Variants in CEP85L observed in about 807,000 individuals in gnomAD.
CEP85L encodes the protein centrosomal protein of 85 kDa-like.
A neutral mutation model predicts 100.3 loss-of-function variants in CEP85L; 60 were observed. That is an observed-to-expected ratio of 0.60 (90% CI 0.49 to 0.74). The LOEUF (loss-of-function observed/expected upper bound fraction) is 0.74. Among genes scored for constraint, CEP85L ranks in the 30% least tolerant of loss-of-function variants. The pLI is 0.00. For synonymous variants in CEP85L, 319 were observed against 322.7 expected, an observed-to-expected ratio of 0.99 and a Z score of 0.12; for missense variants, 973 against 936.2, an observed-to-expected ratio of 1.04 and a Z score of -0.51.
chr6:118,592,157 C>T (rs573440613), intron 2 of CEP85L, among the ~76,000 whole-genome samples: 1 of 152,174 alleles, frequency 6.6e-6, no homozygotes, highest in South Asian at 2.1e-4. Context: ...CTATATTATC[C>T]TACACTATAT....
chr6:118,537,268 C>T (rs1003076786), intron 3 of CEP85L, among the ~76,000 whole-genome samples: 1 of 151,960 alleles, frequency 6.6e-6, no homozygotes, highest in African/African-American at 2.4e-5. Flanking sequence ...AACCTTGTAA[C>T]TATGTGAGTT....
chr6:118,554,215 G>T (rs533500745), intron 3 of CEP85L, among the ~76,000 whole-genome samples: 1 of 152,228 alleles, frequency 6.6e-6, no homozygotes, highest in Admixed American at 6.5e-5. Context: ...TAGAGCCTGG[G>T]AAGTTGAGGT....
intron 1 of CEP85L, among the ~76,000 whole-genome samples, chr6:118,700,190 A>G (rs1777365017): frequency 6.6e-6 from 1 of 152,226 alleles, no homozygotes; most frequent in Non-Finnish European, 1.5e-5. Flanking sequence ...CCCTGGTATA[A>G]AAAAGGTTTT....
chr6:118,511,386 T>C lies in CEP85L; in HGVS notation c.1169A>G (p.Glu390Gly). The C allele has an allele frequency of 6.2e-7, 1 of 1,612,684 alleles. No individual in the cohort carries two copies. Among genetic ancestry groups the C allele is most frequent in the Non-Finnish European group, 8.5e-7 (1 of 1,179,136 alleles). Reference sequence around the variant, plus strand: ...CCGTAATTCATTATCCCTTATCCTCTCATGCAGGTGGGTAATTTGTTGCTT... The same window carrying C: ...CCGTAATTCATTATCCCTTATCCTCCCATGCAGGTGGGTAATTTGTTGCTT... ...RQKQQITHLH[E>G]RIRDNELRAQ... The change falls in exon 5 of 13, where the codon GAG (glutamate) becomes GGG (glycine). Residue 390 changes from glutamate (E) to glycine (G), a missense_variant. This residue lies in a region of CEP85L where 890 missense variants were observed against 844.5 expected (regional missense o/e 1.05). Coordinates refer to ENST00000368491, the MANE Select transcript of CEP85L (RefSeq NM_001042475.3).
In CEP85L at chr6:118,708,842, T is replaced by C. The variant is rs150644337; in HGVS notation, c.-28+1194A>G. 3.9e-4 allele frequency among the ~76,000 whole-genome samples: 59 copies of C among 152,292 alleles called. 1 individual carries two copies. The highest frequency in any genetic ancestry group is 1.4e-3 in the African/African-American group (58 of 41,562). On this transcript the variant is annotated intron_variant, in intron 1 of 13. Coordinates refer to the CEP85L transcript ENST00000368488. ...CTGGTCAAATAGGGGTTCTAAATCC[T>C]GTTAACCTCACTTTAACCCTGTTAT...
chr6:118,688,784 A>C (rs1043174335), intron 1 of CEP85L, among the ~76,000 whole-genome samples: 1 of 152,144 alleles, frequency 6.6e-6, no homozygotes, highest in Non-Finnish European at 1.5e-5. Context: ...GTTCCCTAGG[A>C]GCTCAGGCTC....
At chr6:118,513,921 CAAAA>C (rs1001064584) in intron 4 of CEP85L, among the ~76,000 whole-genome samples, 1 of 149,440 alleles carries the variant, frequency 6.7e-6, no homozygotes, top group Non-Finnish European at 1.5e-5. Context: ...TTGTTTGAGG[CAAAA>C]AAAAATTTAT....
At chr6:118,699,369 C>G (rs1777336732) in intron 1 of CEP85L, among the ~76,000 whole-genome samples, 1 of 151,270 alleles carries the variant, frequency 6.6e-6, no homozygotes, top group South Asian at 2.1e-4. Context: ...GTGGGAGGAT[C>G]ACTTGAGCCC....
Position 118,465,585 on chromosome 6 carries a change from TAG to T in CEP85L, c.2255-19_2255-18del, listed in dbSNP as rs762087155. The T allele has an allele frequency of 6.3e-7, 1 of 1,599,496 alleles. No individual in the cohort carries two copies. The highest frequency in any genetic ancestry group is 1.3e-5 in the African/African-American group (1 of 74,252). ...AGTTCATTGCTGTGTAAATAAAACATAGAGAGAATATCTCACATTTTTTTGAA... is the reference window on the plus strand; with the variant it reads ...AGTTCATTGCTGTGTAAATAAAACATAGAGAATATCTCACATTTTTTTGAA... On this transcript the variant is annotated intron_variant, in intron 12 of 12. Coordinates refer to ENST00000368491, the MANE Select transcript of CEP85L (RefSeq NM_001042475.3).
chr6:118,589,473 A>G (rs530318671), intron 2 of CEP85L: 2 of 261,254 alleles, frequency 7.7e-6, no homozygotes, highest in Admixed American at 4.0e-5. Context: ...TCACAAAACA[A>G]TGGGAAACAG....
At chr6:118,469,032 C>T (rs759888437) in intron 12 of CEP85L, 40 bp downstream of exon 12, 1 of 1,409,516 alleles carries the variant, frequency 7.1e-7, no homozygotes, top group Non-Finnish European at 1.0e-6. Context: ...AGATAGGTTT[C>T]TAATTGCCAC....
intron 1 of CEP85L, among the ~76,000 whole-genome samples, chr6:118,698,709 C>G (rs1447700413): frequency 3.3e-5 from 5 of 152,120 alleles, no homozygotes; most frequent in Non-Finnish European, 5.9e-5. Context: ...ACTGATCCAT[C>G]TTTTGCACTG....
intron 1 of CEP85L, among the ~76,000 whole-genome samples, chr6:118,703,647 A>G (rs901813896): frequency 6.6e-6 from 1 of 152,384 alleles, no homozygotes; most frequent in South Asian, 2.1e-4. Flanking sequence ...GCGATGGCTC[A>G]GAGCAGGGAC....
intron 2 of CEP85L, among the ~76,000 whole-genome samples, chr6:118,592,155 T>C (rs986992136): frequency 1.3e-5 from 2 of 152,154 alleles, no homozygotes; most frequent in Non-Finnish European, 2.9e-5. Context: ...ACCTATATTA[T>C]CCTACACTAT....
chr6:118,532,634 C>T (rs1317001531), intron 3 of CEP85L, among the ~76,000 whole-genome samples: 2 of 151,910 alleles, frequency 1.3e-5, no homozygotes, highest in Non-Finnish European at 2.9e-5. Context: ...ATATCAATTA[C>T]CAAAATTAAC....
At chr6:118,542,116 CT>C (rs1777929224) in intron 3 of CEP85L, among the ~76,000 whole-genome samples, 1 of 152,170 alleles carries the variant, frequency 6.6e-6, no homozygotes, top group South Asian at 2.1e-4. Context: ...ATTATATCCC[CT>C]GATATTCAAT....
chr6:118,521,131 C>A (rs1776642956), intron 4 of CEP85L, among the ~76,000 whole-genome samples: 1 of 152,054 alleles, frequency 6.6e-6, no homozygotes, highest in Admixed American at 6.5e-5. Context: ...ACACCATATC[C>A]CAAACTAAAA....
At chr6:118,613,757 C>CAAAAAAAAAAAAAAAAAAAAAAAA (rs370753175) in intron 2 of CEP85L, among the ~76,000 whole-genome samples, 1 of 102,646 alleles carries the variant, frequency 9.7e-6, no homozygotes, top group Non-Finnish European at 1.9e-5. Flanking sequence ...ATCTGTGTCT[C>CAAAAAAAAAAAAAAAAAAAAAAAA]AAAAAAAAAA....
At chr6:118,675,195 T>C (rs1475934853) in intron 1 of CEP85L, among the ~76,000 whole-genome samples, 1 of 152,060 alleles carries the variant, frequency 6.6e-6, no homozygotes, top group African/African-American at 2.4e-5. Flanking sequence ...TTGAAAACAT[T>C]ATACTAAGTG....
Sources: allele counts gnomAD v4.1 joint callset (sites outside exome capture counted in the v4.1 genomes callset), GRCh38; gene constraint gnomAD v4.1.1; regional missense constraint gnomAD v4.1.1; transcripts MANE v1.5; gene names NCBI Gene and HGNC (gene_info 2026-07-23, HGNC 2026-07-21).